Variants in CNTN5 observed in about 807,000 individuals in gnomAD.
CNTN5 encodes the protein contactin-5.
Under a neutral mutation model 129.1 loss-of-function variants are expected in CNTN5, and 77 were observed. The ratio of observed to expected loss-of-function variants is 0.60; its 90% CI spans 0.50 to 0.72. The LOEUF (loss-of-function observed/expected upper bound fraction) is 0.72. Ranked by LOEUF, CNTN5 falls within the 30% of genes least tolerant of loss-of-function variation. The pLI, the probability that CNTN5 is intolerant of heterozygous loss-of-function variation, is 0.00. For missense variants in CNTN5, 1,478 were observed against 1,328.8 expected, an observed-to-expected ratio of 1.11 and a Z score of -1.75; for synonymous variants, 509 against 465.6, an observed-to-expected ratio of 1.09 and a Z score of -1.20.
At chr11:99,644,617 G>C (rs1378248937) in intron 3 of CNTN5, among the ~76,000 whole-genome samples, 1 of 152,056 alleles carries the variant, frequency 6.6e-6, no homozygotes, top group Non-Finnish European at 1.5e-5. Flanking sequence ...CAAGAAATCA[G>C]TCAAAATTGG....
intron 2 of CNTN5, among the ~76,000 whole-genome samples, chr11:99,391,840 G>A (rs911554789): frequency 1.6e-4 from 25 of 151,856 alleles, no homozygotes; most frequent in African/African-American, 5.8e-4. Context: ...TTAGGTATAA[G>A]GGCACAAGAG....
chr11:100,161,799 A>G (rs1947455558), intron 13 of CNTN5, among the ~76,000 whole-genome samples: 1 of 146,986 alleles, frequency 6.8e-6, no homozygotes, highest in South Asian at 2.2e-4. Context: ...AGTAATTGAT[A>G]TCTCCTCTCA....
At chr11:99,211,687 G>A (rs1859800494) in intron 1 of CNTN5, among the ~76,000 whole-genome samples, 1 of 150,514 alleles carries the variant, frequency 6.6e-6, no homozygotes, top group South Asian at 2.1e-4. Flanking sequence ...CTTTTTTCCA[G>A]CAGATTTGTT....
intron 9 of CNTN5, among the ~76,000 whole-genome samples, chr11:100,024,655 G>A (rs1255388241): frequency 6.6e-6 from 1 of 152,184 alleles, no homozygotes; most frequent in African/African-American, 2.4e-5. Context: ...TGAGGAACTT[G>A]TTGGTGACTG....
intron 13 of CNTN5, among the ~76,000 whole-genome samples, chr11:100,116,424 G>T (rs888067837): frequency 6.6e-6 from 1 of 151,544 alleles, no homozygotes; most frequent in African/African-American, 2.4e-5. Flanking sequence ...AAAAAATTTG[G>T]TGATTATAAA....
intron 3 of CNTN5, among the ~76,000 whole-genome samples, chr11:99,660,716 A>C (rs918977946): frequency 6.6e-6 from 1 of 152,112 alleles, no homozygotes; most frequent in African/African-American, 2.4e-5. Context: ...TAATTGTTCC[A>C]ATGTAACATA....
At chr11:99,502,338 A>C (rs1946455089) in intron 2 of CNTN5, among the ~76,000 whole-genome samples, 1 of 152,108 alleles carries the variant, frequency 6.6e-6, no homozygotes, top group Non-Finnish European at 1.5e-5. Context: ...TCCCCACCCA[A>C]ATCTCAGCTT....
At chr11:99,829,280 G>A (rs1354680576) in intron 4 of CNTN5, among the ~76,000 whole-genome samples, 2 of 152,146 alleles carry the variant, frequency 1.3e-5, no homozygotes, top group Non-Finnish European at 1.5e-5. Flanking sequence ...TACAGAAAAA[G>A]GCTGCATTCA....
chr11:99,713,003 T>C (rs1955061526), intron 3 of CNTN5, among the ~76,000 whole-genome samples: 1 of 152,048 alleles, frequency 6.6e-6, no homozygotes, highest in Non-Finnish European at 1.5e-5. Context: ...TAGTTTTGTT[T>C]TTGCCAATTC....
chr11:99,106,230 C>A (rs1866987597), intron 1 of CNTN5, among the ~76,000 whole-genome samples: 2 of 151,840 alleles, frequency 1.3e-5, no homozygotes, highest in Admixed American at 6.6e-5. Context: ...AATACCCATA[C>A]AACAAATGGG....
intron 2 of CNTN5, among the ~76,000 whole-genome samples, chr11:99,416,881 T>C (rs142912720): frequency 1.1e-3 from 165 of 152,310 alleles, no homozygotes; most frequent in African/African-American, 3.8e-3. Context: ...CTCTCCCACT[T>C]GGGAGCTCTT....
intron 9 of CNTN5, among the ~76,000 whole-genome samples, chr11:100,054,408 C>G (rs1943113816): frequency 6.6e-6 from 1 of 151,820 alleles, no homozygotes; most frequent in African/African-American, 2.4e-5. Flanking sequence ...TCCCAACAAC[C>G]TAACCAGTAT....
intron 8 of CNTN5, among the ~76,000 whole-genome samples, chr11:99,979,087 T>A (rs1938178300): frequency 6.6e-6 from 1 of 152,188 alleles, no homozygotes. Context: ...AGAATAATTA[T>A]AAGTGTAAAG....
chr11:100,237,188 C>CAAAAAAAAAAA (rs397977189), intron 16 of CNTN5, among the ~76,000 whole-genome samples: 3 of 71,096 alleles, frequency 4.2e-5, no homozygotes, highest in Non-Finnish European at 8.6e-5. Flanking sequence ...GACTCCGTCT[C>CAAAAAAAAAAA]AAAAAAAAAA....
At chr11:99,229,270 T>C (rs758798047) in intron 1 of CNTN5, among the ~76,000 whole-genome samples, 18 of 152,054 alleles carry the variant, frequency 1.2e-4, no homozygotes, top group Non-Finnish European at 2.9e-5. Context: ...AAATACATAG[T>C]ATTACTAATG....
intron 6 of CNTN5, among the ~76,000 whole-genome samples, chr11:99,890,631 C>T (rs1485223935): frequency 6.6e-6 from 1 of 151,910 alleles, no homozygotes; most frequent in Non-Finnish European, 1.5e-5. Context: ...GACAAATTTC[C>T]CATTCAGAGT....
chr11:100,019,499 C>T, intron 9 of CNTN5, among the ~76,000 whole-genome samples: 1 of 151,900 alleles, frequency 6.6e-6, no homozygotes, highest in Non-Finnish European at 1.5e-5. Flanking sequence ...CCAGGTTCAT[C>T]CATGTTGTTA....
intron 7 of CNTN5, among the ~76,000 whole-genome samples, chr11:99,933,631 C>T (rs924378607): frequency 6.6e-6 from 1 of 152,174 alleles, no homozygotes; most frequent in African/African-American, 2.4e-5. Context: ...TTTTGAGATT[C>T]AGGCATGTTG....
intron 9 of CNTN5, among the ~76,000 whole-genome samples, chr11:100,052,338 G>A (rs766931918): frequency 9.2e-5 from 14 of 151,668 alleles, no homozygotes; most frequent in Non-Finnish European, 1.9e-4. Context: ...CTTAACGGGA[G>A]ACCTGGACAG....
Sources: gnomAD v4.1 joint callset for allele counts (sites outside exome capture counted in the v4.1 genomes callset) on GRCh38, gnomAD v4.1.1 for gene constraint, MANE v1.5 for transcripts, NCBI Gene and HGNC (gene_info 2026-07-23, HGNC 2026-07-21) for gene names.